Variants in SH3PXD2A observed in about 807,000 individuals in gnomAD.
The protein encoded by SH3PXD2A is SH3 and PX domain-containing protein 2A.
Under a neutral mutation model 115.2 loss-of-function variants are expected in SH3PXD2A, and 32 were observed. The ratio of observed to expected loss-of-function variants is 0.28; its 90% confidence interval spans 0.21 to 0.37. The LOEUF is 0.37. Ranked by LOEUF, SH3PXD2A falls within the 10% of genes least tolerant of loss-of-function variation. SH3PXD2A has a pLI of 1.00. For missense variants in SH3PXD2A, 1,328 were observed against 1,498.7 expected, an observed-to-expected ratio of 0.89 and a Z score of 1.88; for synonymous variants, 610 against 629.1, an observed-to-expected ratio of 0.97 and a Z score of 0.45.
chr10:103,618,439 T>G (rs1180315523), intron 10 of SH3PXD2A, among the ~76,000 whole-genome samples: 1 of 152,208 alleles, frequency 6.6e-6, no homozygotes, highest in Non-Finnish European at 1.5e-5. Context: ...CCTTGCCTCC[T>G]GCCTGAGACA....
At chr10:103,855,069 A>G (rs1218457151) in intron 1 of SH3PXD2A, 126 bp downstream of exon 1, 4 of 540,188 alleles carry the variant, frequency 7.4e-6, no homozygotes, top group African/African-American at 6.0e-5. Context: ...AAGAAACTCC[A>G]CGGCTGCTGG....
chr10:103,633,727 CAAAAAAAAAAAA>C (rs35917262), intron 8 of SH3PXD2A, among the ~76,000 whole-genome samples: 1,586 of 74,422 alleles, frequency 0.021, 57 homozygotes, highest in South Asian at 0.053. Flanking sequence ...GATTCTGTCT[CAAAAAAAAAAAA>C]AAAAAAAAAA....
At position 103,693,075 on chromosome 10, in the gene SH3PXD2A, C is replaced by G. The variant is rs1288386514; in HGVS notation, c.399-19G>C. 6.2e-7 allele frequency: 1 copy of G among 1,612,950 alleles called. No individual in the cohort carries two copies. The highest frequency in any genetic ancestry group is 1.3e-5 in the African/African-American group (1 of 74,910). ...ATAGTCCCTGAAAAAGAAGCAACAA[C>G]AGATAGACATGGTTAGGGCCGGGCG... On this transcript the variant is annotated intron_variant, in intron 5 of 14. Coordinates refer to ENST00000369774, the MANE Select transcript of SH3PXD2A (RefSeq NM_001394015.1).
At chr10:103,721,012 G>A (rs75380186) in intron 5 of SH3PXD2A, among the ~76,000 whole-genome samples, 208 of 152,362 alleles carry the variant, frequency 1.4e-3, no homozygotes, top group African/African-American at 4.8e-3. Flanking sequence ...TAACTTGCCA[G>A]ACCAGTGGTG....
chr10:103,773,295 G>A lies in SH3PXD2A; in HGVS notation c.154-6126C>T, dbSNP rs78280436. 5.3e-3 allele frequency among the ~76,000 whole-genome samples: 808 copies of A among 151,714 alleles called. 5 individuals carry two copies. The highest frequency in any genetic ancestry group is 0.024 in the Middle Eastern group (7 of 290). On this transcript the variant is annotated intron_variant, in intron 2 of 14. Transcript: ENST00000369774. ...CTCTGTGGGGACCATGCAAGATTGC[G>A]GGAAACCTCAGAATTCATTTGTTCA... is the stretch of plus-strand genomic sequence containing the variant.
At chr10:103,844,628 T>C (rs1050483702) in intron 1 of SH3PXD2A, among the ~76,000 whole-genome samples, 1 of 152,172 alleles carries the variant, frequency 6.6e-6, no homozygotes, top group Non-Finnish European at 1.5e-5. Context: ...AGGGACCAAG[T>C]GTGTAAGACA....
intron 5 of SH3PXD2A, among the ~76,000 whole-genome samples, chr10:103,700,970 A>G (rs1158123868): frequency 6.9e-6 from 1 of 144,120 alleles, no homozygotes; most frequent in African/African-American, 2.6e-5. Flanking sequence ...CCATCCATCC[A>G]CCATCCATCC....
At chr10:103,697,190 T>C (rs1220655908) in intron 5 of SH3PXD2A, among the ~76,000 whole-genome samples, 1 of 152,288 alleles carries the variant, frequency 6.6e-6, no homozygotes, top group Non-Finnish European at 1.5e-5. Flanking sequence ...GAGCCTCTAC[T>C]TCTCTATCTG....
intron 10 of SH3PXD2A, among the ~76,000 whole-genome samples, chr10:103,621,346 C>T (rs1199737337): frequency 6.6e-6 from 1 of 152,234 alleles, no homozygotes; most frequent in Non-Finnish European, 1.5e-5. Context: ...AACTTGACCC[C>T]CAGCCCTGTG....
chr10:103,602,226 G>A lies in SH3PXD2A; in HGVS notation c.2992C>T (p.Arg998Trp), dbSNP rs561745856. 1.1e-5 allele frequency: 18 copies of A among 1,598,100 alleles called. No individual in the cohort carries two copies. The highest frequency in any genetic ancestry group is 1.7e-5 in the Admixed American group (1 of 58,880). The change falls in exon 15 of 15, where the codon CGG becomes TGG. Residue 998 changes from arginine (R) to tryptophan (W), a missense_variant. Coordinates refer to ENST00000369774, the MANE Select transcript of SH3PXD2A (RefSeq NM_001394015.1). ...GTGGCCGTGAGTGACTCATTCCTCC[G>A]CAGGGCGCAGGACAGGTTGTTGTCC... ...PKDNNLSCAL[R>W]RNESLTATDG...
intron 5 of SH3PXD2A, among the ~76,000 whole-genome samples, chr10:103,702,586 T>TGTGTGTGTGC (rs1189538039): frequency 1.7e-4 from 22 of 127,556 alleles, no homozygotes; most frequent in African/African-American, 4.5e-4. Context: ...GATGTAAGCC[T>TGTGTGTGTGC]GTGTGTGTGC....
intron 1 of SH3PXD2A, among the ~76,000 whole-genome samples, chr10:103,806,460 A>G (rs1299856217): frequency 1.3e-5 from 2 of 152,100 alleles, no homozygotes; most frequent in Non-Finnish European, 2.9e-5. Context: ...CCAGCACTGG[A>G]AACTTCAGAG....
intron 10 of SH3PXD2A, among the ~76,000 whole-genome samples, chr10:103,618,573 G>A (rs1250090028): frequency 6.6e-6 from 1 of 152,250 alleles, no homozygotes; most frequent in Non-Finnish European, 1.5e-5. Flanking sequence ...CTGAGCCACT[G>A]TTGTCCTCTC....
In SH3PXD2A at chr10:103,602,627, C is replaced by T. The variant is rs2036235738; in HGVS notation, c.2591G>A (p.Gly864Asp). 3.7e-6 allele frequency: 6 copies of T among 1,614,200 alleles called. No homozygotes were observed. The highest frequency in any genetic ancestry group is 5.1e-6 in the Non-Finnish European group (6 of 1,180,036). Residue 864 changes from glycine to aspartate, a missense_variant, in exon 15 of 15, where the codon GGC (glycine) becomes GAC (aspartate). Physicochemically the swap from Gly to Asp is moderately conservative, Grantham distance 94. Coordinates refer to ENST00000369774, the MANE Select transcript of SH3PXD2A (RefSeq NM_001394015.1). ...VQDSEISFPAGVEVQVLEKQE... is the reference protein window; with the variant it reads ...VQDSEISFPADVEVQVLEKQE... ...CTTCTCCAGCACCTGCACCTCCACGCCCGCGGGGAAGCTGATCTCCGAGTC... is the reference window on the plus strand; with the variant it reads ...CTTCTCCAGCACCTGCACCTCCACGTCCGCGGGGAAGCTGATCTCCGAGTC...
chr10:103,719,725 T>C (rs980931508), intron 5 of SH3PXD2A, among the ~76,000 whole-genome samples: 2 of 143,472 alleles, frequency 1.4e-5, no homozygotes, highest in Non-Finnish European at 3.1e-5. Flanking sequence ...TTCTTTCTTT[T>C]TTTTTTTTTT....
At position 103,620,909 on chromosome 10, in the gene SH3PXD2A, G is replaced by A. The variant is rs2036593119; in HGVS notation, c.802+1561C>T. 6.6e-6 allele frequency among the ~76,000 whole-genome samples: 1 copy of A among 152,134 alleles called. No homozygotes were observed. Among genetic ancestry groups the A allele is most frequent in the Non-Finnish European group, 1.5e-5 (1 of 68,036 alleles). On this transcript the variant is annotated intron_variant, in intron 10 of 14. Coordinates refer to ENST00000369774, the MANE Select transcript of SH3PXD2A (RefSeq NM_001394015.1). The surrounding 1 kb of genome is among the most constrained non-coding windows in gnomAD (Gnocchi z 5.3). ...CTTGTGAGTGTTGCTGTGGAGGAAT[G>A]GGTGGCGTATGTGTGTATGTTGCGT...
intron 8 of SH3PXD2A, among the ~76,000 whole-genome samples, chr10:103,650,340 T>A (rs1564853951): frequency 6.6e-6 from 1 of 152,248 alleles, no homozygotes; most frequent in South Asian, 2.1e-4. Flanking sequence ...AAACTCACTA[T>A]GATGCTGGGC....
intron 1 of SH3PXD2A, among the ~76,000 whole-genome samples, chr10:103,835,306 G>A (rs1342028223): frequency 2.0e-5 from 3 of 152,258 alleles, no homozygotes; most frequent in African/African-American, 7.2e-5. Flanking sequence ...AGGGGTGGGA[G>A]CAGCCAGGCA....
intron 13 of SH3PXD2A, 78 bp from the exon 14 acceptor site, chr10:103,605,995 A>C: frequency 6.5e-7 from 1 of 1,529,412 alleles, no homozygotes; most frequent in South Asian, 1.2e-5. Context: ...GTCCCCACTC[A>C]GTCCCCAGGG....
Sources: allele counts gnomAD v4.1 joint callset (sites outside exome capture counted in the v4.1 genomes callset), GRCh38; gene constraint gnomAD v4.1.1; non-coding constraint Gnocchi (gnomAD v3.1); transcripts MANE v1.5; gene names NCBI Gene and HGNC (gene_info 2026-07-23, HGNC 2026-07-21).